SMIM10L3: variants seen among roughly 807,000 people sequenced by gnomAD.
The protein encoded by SMIM10L3 is salivary gland specific protein SAGSIN1.
At chr7:6,329,694 A>C in the SMIM10L3 span, 1 of 165,730 alleles carries the variant, frequency 6.0e-6, no homozygotes, top group Non-Finnish European at 1.5e-5. Context: ...TTATGTGGGA[A>C]ATAACTCGAT....
the SMIM10L3 span, among the ~76,000 whole-genome samples, chr7:6,338,934 C>G: frequency 1.9e-3 from 292 of 152,300 alleles, 2 homozygotes; most frequent in African/African-American, 6.7e-3. Context: ...AGCTCACACA[C>G]GCTCCCAGAT....
At chr7:6,337,223 C>T in the SMIM10L3 span, among the ~76,000 whole-genome samples, 2 of 152,096 alleles carry the variant, frequency 1.3e-5, no homozygotes, top group East Asian at 1.9e-4. Context: ...AGGTGTATGC[C>T]ACCATGGCCC....
At chr7:6,342,651 A>G in the SMIM10L3 span, among the ~76,000 whole-genome samples, 6 of 152,324 alleles carry the variant, frequency 3.9e-5, no homozygotes, top group South Asian at 2.1e-4. Context: ...CAAAGCTTAC[A>G]TGCAAATGTT....
the SMIM10L3 span, among the ~76,000 whole-genome samples, chr7:6,331,715 C>A: frequency 6.6e-6 from 1 of 150,404 alleles, no homozygotes; most frequent in Non-Finnish European, 1.5e-5. Flanking sequence ...GTTCCCCACC[C>A]TCAAATTAGC....
At chr7:6,340,412 C>T in the SMIM10L3 span, among the ~76,000 whole-genome samples, 1 of 152,140 alleles carries the variant, frequency 6.6e-6, no homozygotes, top group African/African-American at 2.4e-5. Context: ...TGTACAGACA[C>T]AGCCCCAACA....
chr7:6,340,848 G>A, the SMIM10L3 span, among the ~76,000 whole-genome samples: 2 of 142,984 alleles, frequency 1.4e-5, no homozygotes, highest in South Asian at 2.2e-4. Context: ...GCAGTGAGCC[G>A]AGATGGCGCC....
the SMIM10L3 span, among the ~76,000 whole-genome samples, chr7:6,337,214 G>C: frequency 6.6e-6 from 1 of 152,096 alleles, no homozygotes. Context: ...TGAGACTACA[G>C]GTGTATGCCA....
At chr7:6,343,192 C>T in the SMIM10L3 span, among the ~76,000 whole-genome samples, 1 of 151,382 alleles carries the variant, frequency 6.6e-6, no homozygotes, top group East Asian at 1.9e-4. Flanking sequence ...GCCTGGCCAA[C>T]ATGGTGAAGC....
the SMIM10L3 span, chr7:6,338,741 C>T: frequency 6.6e-6 from 1 of 152,340 alleles, no homozygotes; most frequent in African/African-American, 2.4e-5. Flanking sequence ...GTACCCTCAC[C>T]TTCCCTAACC....
chr7:6,343,476 C>A, the SMIM10L3 span, among the ~76,000 whole-genome samples: 6 of 136,144 alleles, frequency 4.4e-5, no homozygotes, highest in African/African-American at 1.7e-4. Context: ...TTCGTTCTTC[C>A]CACAGGCCAT....
chr7:6,348,562 G>T, the SMIM10L3 span: 1 of 432,796 alleles, frequency 2.3e-6, no homozygotes. Flanking sequence ...GGGCAGGCAC[G>T]GCTCACCCAC....
At chr7:6,343,617 TA>T in the SMIM10L3 span, among the ~76,000 whole-genome samples, 2 of 151,790 alleles carry the variant, frequency 1.3e-5, no homozygotes, top group African/African-American at 4.8e-5. Flanking sequence ...AGATTCTGTA[TA>T]AATAAGAAGG....
the SMIM10L3 span, chr7:6,348,484 G>C: frequency 7.3e-6 from 3 of 409,444 alleles, no homozygotes; most frequent in Non-Finnish European, 1.3e-5. Context: ...TCAGCTTCTA[G>C]GCAGTGGCAG....
the SMIM10L3 span, chr7:6,330,854 T>G: frequency 3.7e-6 from 6 of 1,614,170 alleles, no homozygotes. Context: ...ACGGCTGTGC[T>G]CGGAGTGGCT....
the SMIM10L3 span, among the ~76,000 whole-genome samples, chr7:6,333,402 A>C: frequency 1.3e-5 from 2 of 152,164 alleles, no homozygotes; most frequent in Non-Finnish European, 1.5e-5. Context: ...CAAATGGTTC[A>C]GAATAGACAC....
the SMIM10L3 span, among the ~76,000 whole-genome samples, chr7:6,333,063 G>A: frequency 1.3e-5 from 2 of 151,516 alleles, no homozygotes; most frequent in Non-Finnish European, 2.9e-5. Context: ...AGGCTGAAGC[G>A]AGAGAATTGC....
At chr7:6,343,620 A>G in the SMIM10L3 span, among the ~76,000 whole-genome samples, 2 of 151,912 alleles carry the variant, frequency 1.3e-5, no homozygotes, top group East Asian at 1.9e-4. Context: ...TTCTGTATAA[A>G]TAAGAAGGAT....
chr7:6,343,942 G>A, the SMIM10L3 span, among the ~76,000 whole-genome samples: 2 of 152,132 alleles, frequency 1.3e-5, no homozygotes, highest in African/African-American at 4.8e-5. Context: ...CTGGAGAGCA[G>A]TGGTGGGATC....
At chr7:6,330,455 T>C in the SMIM10L3 span, 1 of 1,614,150 alleles carries the variant, frequency 6.2e-7, no homozygotes, top group Middle Eastern at 1.6e-4. Context: ...CCATCTGAGG[T>C]GCTTTTAAGC....
Sources: allele counts gnomAD v4.1 joint callset (sites outside exome capture counted in the v4.1 genomes callset), GRCh38; gene constraint gnomAD v4.1.1; transcripts MANE v1.5; gene names NCBI Gene and HGNC (gene_info 2026-07-23, HGNC 2026-07-21).